The following CPXM2 variants were observed in gnomAD, a reference collection of about 807,000 sequenced individuals.
The protein encoded by CPXM2 is inactive carboxypeptidase-like protein X2.
In CPXM2, 66 loss-of-function variants were observed where a neutral mutation model predicts 86.1. The observed-to-expected ratio is 0.77, with a 90% CI of 0.63 to 0.94. The LOEUF is 0.94. Ranked by LOEUF, CPXM2 falls within the 40% of genes least tolerant of loss-of-function variation. The pLI, the probability that CPXM2 is intolerant of heterozygous loss-of-function variation, is 0.00. For missense variants in CPXM2, 948 were observed against 1,026.3 expected (o/e 0.92, Z 1.04); for synonymous variants, 388 against 400.2 (o/e 0.97, Z 0.36).
At chr10:123,919,557 G>A (rs1281059697) in intron 2 of CPXM2, among the ~76,000 whole-genome samples, 1 of 152,076 alleles carries the variant, frequency 6.6e-6, no homozygotes, top group African/African-American at 2.4e-5. Context: ...TAAAGAAATA[G>A]AACCAGTAGG....
intron 2 of CPXM2, among the ~76,000 whole-genome samples, chr10:123,932,528 A>G (rs973804233): frequency 4.6e-5 from 7 of 152,172 alleles, no homozygotes; most frequent in Non-Finnish European, 1.0e-4. Context: ...GCAGTGGCCA[A>G]CTCAATAGTG....
rs1845979449 is a variant in CPXM2 at position 123,746,827 on chromosome 10, C to T, written c.2208G>A (p.Gln736=). ...IREIMEKFGK[Q]PVSLPARRLK... ...GCCGCCTGGCTGGCAGGCTGACGGGCTGCTTCCCAAACTTCTCCATGATCT... is the reference window on the plus strand; with the variant it reads ...GCCGCCTGGCTGGCAGGCTGACGGGTTGCTTCCCAAACTTCTCCATGATCT... The change falls in exon 14 of 14, where the codon CAG becomes CAA. Residue 736 remains glutamine (Q), a synonymous_variant. Transcript: ENST00000241305. 1.2e-6 allele frequency: 2 copies of T among 1,614,104 alleles called. No homozygotes were observed. Among genetic ancestry groups the T allele is most frequent in the African/African-American group, 2.7e-5 (2 of 74,936 alleles).
At chr10:123,791,909 G>A (rs1006604684) in intron 6 of CPXM2, among the ~76,000 whole-genome samples, 18 of 152,226 alleles carry the variant, frequency 1.2e-4, no homozygotes, top group Admixed American at 1.1e-3. Flanking sequence ...AGCTGCTTCT[G>A]TACAGTGAGC....
intron 6 of CPXM2, among the ~76,000 whole-genome samples, chr10:123,797,439 G>A (rs17106063): frequency 0.23 from 34,498 of 152,142 alleles, 5,146 homozygotes; most frequent in African/African-American, 0.43. Flanking sequence ...TTAGTAGCCC[G>A]ATTGTTCACT....
intron 2 of CPXM2, among the ~76,000 whole-genome samples, chr10:123,928,659 G>A (rs9731665): frequency 0.057 from 8,663 of 152,270 alleles, 439 homozygotes; most frequent in African/African-American, 0.14. Context: ...GCAGCCACAC[G>A]GAGATGCTAT....
chr10:123,915,435 G>A (rs552108816), intron 2 of CPXM2, among the ~76,000 whole-genome samples: 4 of 152,324 alleles, frequency 2.6e-5, no homozygotes, highest in East Asian at 3.9e-4. Flanking sequence ...GCAGGCGCCT[G>A]TAGTCCCAGC....
At chr10:123,927,806 C>A (rs555809246) in intron 2 of CPXM2, among the ~76,000 whole-genome samples, 16 of 152,236 alleles carry the variant, frequency 1.1e-4, no homozygotes, top group African/African-American at 3.4e-4. Context: ...TTTCTTCCAA[C>A]ATTTGTGTGG....
intron 2 of CPXM2, among the ~76,000 whole-genome samples, chr10:123,869,882 GC>G (rs1405690240): frequency 6.6e-6 from 1 of 152,096 alleles, no homozygotes; most frequent in Non-Finnish European, 1.5e-5. Context: ...GGCCTTTGTG[GC>G]CCAGAAATTC....
intron 4 of CPXM2, among the ~76,000 whole-genome samples, chr10:123,832,478 T>G (rs761720696): frequency 2.0e-5 from 3 of 152,246 alleles, no homozygotes; most frequent in Non-Finnish European, 4.4e-5. Context: ...TGGTTGAGTG[T>G]GTGTCCCTCC....
chr10:123,915,798 G>A (rs1248668856), intron 2 of CPXM2, among the ~76,000 whole-genome samples: 3 of 152,152 alleles, frequency 2.0e-5, no homozygotes. Context: ...CAATGACAGG[G>A]AACCGAGAAA....
intron 11 of CPXM2, among the ~76,000 whole-genome samples, chr10:123,758,179 A>T (rs948330335): frequency 6.6e-6 from 1 of 152,110 alleles, no homozygotes; most frequent in Non-Finnish European, 1.5e-5. Context: ...GTCTGGACTC[A>T]TTTCCTAGGG....
chr10:123,802,858 T>C (rs1590017893), intron 4 of CPXM2, among the ~76,000 whole-genome samples: 1 of 152,326 alleles, frequency 6.6e-6, no homozygotes, highest in African/African-American at 2.4e-5. Flanking sequence ...TTGATGGATG[T>C]ATCCTTTTAT....
intron 1 of CPXM2, among the ~76,000 whole-genome samples, chr10:123,882,553 T>C (rs1427312131): frequency 6.6e-6 from 1 of 152,114 alleles, no homozygotes; most frequent in East Asian, 1.9e-4. Flanking sequence ...AAGAAAAAAA[T>C]TTCACAAAAT....
At chr10:123,829,073 A>G (rs1274136855) in intron 4 of CPXM2, among the ~76,000 whole-genome samples, 1 of 152,246 alleles carries the variant, frequency 6.6e-6, no homozygotes, top group Non-Finnish European at 1.5e-5. Context: ...AGGAAGAAAC[A>G]TTTCACTAAA....
intron 7 of CPXM2, among the ~76,000 whole-genome samples, chr10:123,771,616 C>T (rs143364805): frequency 1.3e-5 from 2 of 152,284 alleles, no homozygotes; most frequent in East Asian, 3.9e-4. Flanking sequence ...ATAAGCTACT[C>T]AGGTTACAAT....
chr10:123,942,918 T>G (rs1224065670), upstream of CPXM2, among the ~76,000 whole-genome samples: 1 of 152,244 alleles, frequency 6.6e-6, no homozygotes, highest in Non-Finnish European at 1.5e-5. Flanking sequence ...ACCTTACCCT[T>G]TCTATATTTA....
Position 123,865,959 on chromosome 10 carries a change from TG to T in CPXM2, c.404-3237del, listed in dbSNP as rs1431146565. ...CAGCCTCTTCTCCGTTTTTCTGTACTGGGCCCCACAATTTCTCCCTCTCAGC... is the reference window on the plus strand; with the variant it reads ...CAGCCTCTTCTCCGTTTTTCTGTACTGGCCCCACAATTTCTCCCTCTCAGC... On this transcript the variant is annotated intron_variant, in intron 2 of 13. Transcript: ENST00000241305. The surrounding 1 kb of genome is among the most constrained non-coding windows in gnomAD (Gnocchi z 4.7). 1.3e-5 allele frequency among the ~76,000 whole-genome samples: 2 copies of T among 152,084 alleles called. No individual in the cohort carries two copies. The highest frequency in any genetic ancestry group is 2.4e-5 in the African/African-American group (1 of 41,416).
At chr10:123,753,630 G>T (rs1846130026) in intron 13 of CPXM2, among the ~76,000 whole-genome samples, 3 of 152,230 alleles carry the variant, frequency 2.0e-5, no homozygotes, top group African/African-American at 7.2e-5. Flanking sequence ...GATCGTGTGG[G>T]GAACAGCTCC....
At chr10:123,781,624 G>A (rs1298767933) in intron 6 of CPXM2, among the ~76,000 whole-genome samples, 2 of 152,204 alleles carry the variant, frequency 1.3e-5, no homozygotes, top group Non-Finnish European at 2.9e-5. Flanking sequence ...AGAGGCAGTG[G>A]GGGCAGTAGG....
Sources: gnomAD v4.1 joint callset for allele counts (sites outside exome capture counted in the v4.1 genomes callset) on GRCh38, gnomAD v4.1.1 for gene constraint, Gnocchi (gnomAD v3.1) non-coding constraint, MANE v1.5 for transcripts, NCBI Gene and HGNC (gene_info 2026-07-23, HGNC 2026-07-21) for gene names.